The following FAM117B variants were observed in gnomAD, a reference collection of about 807,000 sequenced individuals.
FAM117B encodes the protein family with sequence similarity 117 member B, also known as protein FAM117B.
A neutral mutation model predicts 52.8 loss-of-function variants in FAM117B; 22 were observed. That is an observed-to-expected ratio of 0.42 (90% CI 0.30 to 0.59). The LOEUF (loss-of-function observed/expected upper bound fraction) is 0.59, where lower values mean the gene tolerates loss of function less well. Among genes scored for constraint, FAM117B ranks in the 20% least tolerant of loss-of-function variants. The pLI, the probability that FAM117B is intolerant of heterozygous loss-of-function variation, is 0.22. For synonymous variants in FAM117B, 309 were observed against 324.1 expected, an observed-to-expected ratio of 0.95 and a Z score of 0.50; for missense variants, 678 against 802.6, an observed-to-expected ratio of 0.84 and a Z score of 1.88.
rs181415428 is a variant in FAM117B at position 202,670,176 on chromosome 2, G to T, written c.602-25705G>T. On this transcript the variant is annotated intron_variant, in intron 1 of 7. Transcript: ENST00000392238. ...TTTAGTTGCTGGGGAAACAAGTGAT[G>T]AAATAAGACATACCAATTTGTTCCA... Among the ~76,000 whole-genome samples, 22 of 152,294 alleles carry T rather than the reference G, an allele frequency of 1.4e-4. No homozygotes were observed. In the East Asian group the frequency reaches 2.7e-3, roughly 19 times the overall value.
At chr2:202,654,058 TGAGTGAGA>T (rs1690014823) in intron 1 of FAM117B, among the ~76,000 whole-genome samples, 3 of 113,370 alleles carry the variant, frequency 2.6e-5, no homozygotes, top group African/African-American at 7.9e-5. Context: ...GGGAAGAGAG[TGAGTGAGA>T]GAGAGAGAGA....
intron 1 of FAM117B, among the ~76,000 whole-genome samples, chr2:202,663,191 A>G (rs1690156128): frequency 6.6e-6 from 1 of 152,178 alleles, no homozygotes; most frequent in Non-Finnish European, 1.5e-5. Flanking sequence ...ATTATTGGGT[A>G]GTCTTTTGCT....
intron 7 of FAM117B, among the ~76,000 whole-genome samples, chr2:202,765,161 G>A (rs540858041): frequency 7.2e-4 from 109 of 152,080 alleles, no homozygotes; most frequent in Non-Finnish European, 1.4e-3. Context: ...AGTGCTCATC[G>A]GGCTGAGCCA....
intron 6 of FAM117B, 97 bp from the exon 7 acceptor site, chr2:202,759,135 TC>T: frequency 7.7e-7 from 1 of 1,306,750 alleles, no homozygotes; most frequent in East Asian, 2.4e-5. Context: ...AAAGCACTGT[TC>T]CTGCCCTCAA....
At chr2:202,690,986 T>C (rs1201198057) in intron 1 of FAM117B, among the ~76,000 whole-genome samples, 1 of 151,396 alleles carries the variant, frequency 6.6e-6, no homozygotes, top group African/African-American at 2.4e-5. Context: ...TTATTCTTTT[T>C]AATTTCTAGG....
intron 6 of FAM117B, among the ~76,000 whole-genome samples, chr2:202,758,799 T>C (rs980009195): frequency 1.3e-5 from 2 of 152,188 alleles, no homozygotes; most frequent in African/African-American, 4.8e-5. Flanking sequence ...ATGTTTGGCA[T>C]CCGGTAGCTC....
chr2:202,689,357 A>G (rs1690588818), intron 1 of FAM117B, among the ~76,000 whole-genome samples: 2 of 151,928 alleles, frequency 1.3e-5, no homozygotes, highest in South Asian at 4.2e-4. Flanking sequence ...TGGGAGGATC[A>G]CTTGAACCTG....
intron 1 of FAM117B, among the ~76,000 whole-genome samples, chr2:202,662,085 A>G (rs926134701): frequency 2.0e-5 from 3 of 151,922 alleles, no homozygotes; most frequent in Non-Finnish European, 4.4e-5. Context: ...TAAATGCCCA[A>G]CCACAGGTGA....
intron 4 of FAM117B, among the ~76,000 whole-genome samples, chr2:202,750,388 C>G (rs538754625): frequency 1.3e-5 from 2 of 152,106 alleles, no homozygotes; most frequent in African/African-American, 2.4e-5. Context: ...TGGCATGTGC[C>G]TGTAATCCCA....
intron 1 of FAM117B, among the ~76,000 whole-genome samples, chr2:202,688,331 C>T (rs1254946971): frequency 2.0e-5 from 3 of 152,050 alleles, no homozygotes; most frequent in African/African-American, 7.2e-5. Context: ...GACAAATTTC[C>T]CTTCTTGGAG....
In FAM117B at chr2:202,755,713, G is replaced by A. The variant is rs769062816; in HGVS notation, c.1104+32G>A. Reference sequence around the variant, plus strand: ...GATCTTGTATCTTAAAATCATTCTTGAACTCTTATAATTATTAAAAATGCA... The same window carrying A: ...GATCTTGTATCTTAAAATCATTCTTAAACTCTTATAATTATTAAAAATGCA... On this transcript the variant is annotated intron_variant, in intron 5 of 7. Coordinates refer to ENST00000392238, the MANE Select transcript of FAM117B (RefSeq NM_173511.4). 3.8e-6 allele frequency: 6 copies of A among 1,588,516 alleles called. No homozygotes were observed. The East Asian group carries it at 1.3e-4, about 36-fold the overall frequency.
chr2:202,725,911 C>A (rs555947279), intron 3 of FAM117B, among the ~76,000 whole-genome samples: 2 of 152,138 alleles, frequency 1.3e-5, no homozygotes, highest in South Asian at 4.1e-4. Flanking sequence ...TTCAATAAAT[C>A]TAAATTGAAA....
chr2:202,762,213 A>G (rs1188511418), intron 7 of FAM117B, among the ~76,000 whole-genome samples: 2 of 152,198 alleles, frequency 1.3e-5, no homozygotes, highest in Non-Finnish European at 2.9e-5. Flanking sequence ...CTTTTGCTTT[A>G]AAGTACTAAC....
chr2:202,767,597 A>C lies in FAM117B; in HGVS notation c.*1833A>C, dbSNP rs1272962649. ...TATTATAAGGTAGAAAAAAGTTTTT[A>C]AATCCTTATAAAGAGGATGCAGTTT... On this transcript the variant is annotated 3_prime_UTR_variant, in exon 8 of 8. Transcript: ENST00000392238. 1 of 152,212 alleles carries C rather than the reference A, an allele frequency of 6.6e-6. No homozygotes were observed. The highest frequency in any genetic ancestry group is 6.5e-5 in the Admixed American group (1 of 15,270). The allele number at this position is 152,212 out of a possible 1,614,324, so 9.4% of individuals were successfully genotyped here.
In FAM117B at chr2:202,726,273, G is replaced by T. The variant is rs757599870; in HGVS notation, c.870G>T (p.Leu290Phe). 6.2e-7 allele frequency: 1 copy of T among 1,612,808 alleles called. No individual in the cohort carries two copies. The highest frequency in any genetic ancestry group is 1.3e-5 in the African/African-American group (1 of 75,002). ...AGATTGCAAAATTACGCCAGCAGTT[G>T]CAGAGAAGTAAACACAGCAGTCGGC... ...LKEIAKLRQQ[L>F]QRSKHSSRHH... Residue 290 changes from leucine (L) to phenylalanine (F), a missense_variant, in exon 4 of 8, where the codon TTG becomes TTT. Physicochemically the swap from Leu to Phe is conservative, Grantham distance 22 (BLOSUM62 0). Around this residue, in one of 3 missense-constraint regions of FAM117B, gnomAD observed 583 missense variants for 644.8 expected, o/e 0.90. Coordinates refer to ENST00000392238, the MANE Select transcript of FAM117B (RefSeq NM_173511.4).
chr2:202,721,587 C>T (rs1014690686), intron 2 of FAM117B, among the ~76,000 whole-genome samples: 4 of 152,162 alleles, frequency 2.6e-5, no homozygotes, highest in Non-Finnish European at 5.9e-5. Context: ...AAACCCTTTA[C>T]ATATACTAAC....
rs543839414 is a variant in FAM117B, at chr2:202,759,786, T to A, written c.1451+433T>A. On this transcript the variant is annotated intron_variant, in intron 7 of 7. Transcript: ENST00000392238. ...GTTAGCCAGGATGGTCTCAATCTCC[T>A]GACTTCGTGATCCACCTGCCTCGGC... Among the ~76,000 whole-genome samples the A allele has an allele frequency of 2.6e-5, 4 of 152,238 alleles. No individual in the cohort carries two copies. In the East Asian group the frequency reaches 7.7e-4, roughly 29 times the overall value.
intron 1 of FAM117B, among the ~76,000 whole-genome samples, chr2:202,671,860 T>C (rs1205231509): frequency 6.6e-6 from 1 of 152,156 alleles, no homozygotes; most frequent in East Asian, 1.9e-4. Context: ...TCATGTTCAA[T>C]ATAGGTTGGG....
intron 1 of FAM117B, among the ~76,000 whole-genome samples, chr2:202,681,668 T>A (rs950123015): frequency 8.5e-5 from 13 of 152,226 alleles, no homozygotes; most frequent in African/African-American, 3.1e-4. Flanking sequence ...ATTAATAGTA[T>A]AAGTGGAGAG....
Sources: allele counts gnomAD v4.1 joint callset (sites outside exome capture counted in the v4.1 genomes callset), GRCh38; gene constraint gnomAD v4.1.1; regional missense constraint gnomAD v4.1.1; transcripts MANE v1.5; gene names NCBI Gene and HGNC (gene_info 2026-07-23, HGNC 2026-07-21).